The following FAM168A variants were observed in gnomAD, a reference collection of about 807,000 sequenced individuals.
The protein encoded by FAM168A is protein FAM168A.
A neutral mutation model predicts 28.5 loss-of-function variants in FAM168A; 3 were observed. The ratio of observed to expected loss-of-function variants is 0.11; its 90% CI spans 0.05 to 0.27. FAM168A has a LOEUF of 0.27. Among genes scored for constraint, FAM168A ranks in the 10% least tolerant of loss-of-function variants. The pLI, the probability that FAM168A is intolerant of heterozygous loss-of-function variation, is 1.00. For missense variants in FAM168A, 222 were observed against 311.5 expected (o/e 0.71, Z 2.16); for synonymous variants, 122 against 124.2 (o/e 0.98, Z 0.12).
chr11:73,584,178 C>T (rs1944281492), intron 1 of FAM168A, among the ~76,000 whole-genome samples: 1 of 146,980 alleles, frequency 6.8e-6, no homozygotes, highest in Non-Finnish European at 1.5e-5. Context: ...CATTCACTGA[C>T]TTTTTTTTTT....
intron 1 of FAM168A, among the ~76,000 whole-genome samples, chr11:73,595,430 T>C (rs1944431811): frequency 6.6e-6 from 1 of 152,222 alleles, no homozygotes; most frequent in Non-Finnish European, 1.5e-5. Context: ...CGAGCTAAAT[T>C]CTGAAGCTTG....
At chr11:73,575,313 T>TGA (rs1473529969) in intron 1 of FAM168A, among the ~76,000 whole-genome samples, 1 of 152,196 alleles carries the variant, frequency 6.6e-6, no homozygotes, top group East Asian at 1.9e-4. Flanking sequence ...GGAAGAACAA[T>TGA]CAGATATATA....
At chr11:73,522,820 C>T (rs1408203352) in intron 1 of FAM168A, among the ~76,000 whole-genome samples, 1 of 151,824 alleles carries the variant, frequency 6.6e-6, no homozygotes, top group Non-Finnish European at 1.5e-5. Flanking sequence ...TGTGACCAGA[C>T]TGGCCAACAT....
chr11:73,461,904 T>C (rs1353729862), intron 2 of FAM168A, among the ~76,000 whole-genome samples: 2 of 151,692 alleles, frequency 1.3e-5, no homozygotes, highest in Non-Finnish European at 2.9e-5. Flanking sequence ...TTTTTAAAAA[T>C]AAAAAGAACA....
intron 1 of FAM168A, among the ~76,000 whole-genome samples, chr11:73,472,099 C>T (rs1206018327): frequency 6.6e-6 from 1 of 152,138 alleles, no homozygotes; most frequent in Non-Finnish European, 1.5e-5. Context: ...TAATGCCCCC[C>T]TCTCCCCGCC....
At chr11:73,525,898 G>T (rs991424754) in intron 1 of FAM168A, among the ~76,000 whole-genome samples, 2 of 152,078 alleles carry the variant, frequency 1.3e-5, no homozygotes, top group Admixed American at 1.3e-4. Flanking sequence ...TATTTTAATT[G>T]CAAGCCCCCT....
intron 3 of FAM168A, among the ~76,000 whole-genome samples, chr11:73,422,112 G>A (rs557409323): frequency 1.8e-4 from 28 of 152,302 alleles, no homozygotes; most frequent in African/African-American, 6.5e-4. Context: ...CACAGTCACC[G>A]CACACAAGGT....
intron 1 of FAM168A, among the ~76,000 whole-genome samples, chr11:73,540,451 C>A (rs930913514): frequency 2.6e-5 from 4 of 152,154 alleles, no homozygotes; most frequent in African/African-American, 9.7e-5. Flanking sequence ...TCAGAACTAA[C>A]CCCCACTCCC....
At chr11:73,474,943 A>G (rs1298859744) in intron 1 of FAM168A, among the ~76,000 whole-genome samples, 1 of 152,224 alleles carries the variant, frequency 6.6e-6, no homozygotes, top group African/African-American at 2.4e-5. Flanking sequence ...CTAGGAGCTC[A>G]TCTTGGGCAA....
intron 1 of FAM168A, among the ~76,000 whole-genome samples, chr11:73,530,734 T>G (rs1411291238): frequency 6.6e-6 from 1 of 152,214 alleles, no homozygotes; most frequent in Non-Finnish European, 1.5e-5. Context: ...ATATTAAATT[T>G]TATCTATTTA....
At chr11:73,462,874 A>AGAGAAGAGAGGAGAG (rs1168532967) in intron 2 of FAM168A, among the ~76,000 whole-genome samples, 7 of 151,846 alleles carry the variant, frequency 4.6e-5, no homozygotes, top group African/African-American at 1.7e-4. Flanking sequence ...AGAAAAGAGA[A>AGAGAAGAGAGGAGAG]GAGAAGAGAG....
At chr11:73,433,076 C>CTTTTTTTTTTTTTTTTTTTT (rs34994742) in intron 2 of FAM168A, among the ~76,000 whole-genome samples, 14 of 80,602 alleles carry the variant, frequency 1.7e-4, no homozygotes, top group African/African-American at 9.5e-4. Flanking sequence ...CACGCCCCGC[C>CTTTTTTTTTTTTTTTTTTTT]TTTTTTTTTT....
chr11:73,495,263 A>C (rs573474263), intron 1 of FAM168A, among the ~76,000 whole-genome samples: 3 of 152,284 alleles, frequency 2.0e-5, no homozygotes, highest in Admixed American at 1.3e-4. Flanking sequence ...CAGGAGGCAG[A>C]GCTTGCAGTG....
intron 1 of FAM168A, among the ~76,000 whole-genome samples, chr11:73,590,880 C>T (rs774358399): frequency 6.6e-5 from 10 of 152,076 alleles, no homozygotes; most frequent in Non-Finnish European, 1.5e-4. Context: ...TGCAGGCTCA[C>T]GCCTGTAATC....
At chr11:73,426,585 T>C (rs1165031696) in intron 3 of FAM168A, among the ~76,000 whole-genome samples, 1 of 152,172 alleles carries the variant, frequency 6.6e-6, no homozygotes, top group Non-Finnish European at 1.5e-5. Context: ...TTGAGCCAGC[T>C]TCTCCATGGT....
chr11:73,535,860 C>T (rs1943573003), intron 1 of FAM168A, among the ~76,000 whole-genome samples: 2 of 148,226 alleles, frequency 1.3e-5, no homozygotes, highest in Non-Finnish European at 3.0e-5. Flanking sequence ...CACATCTGGC[C>T]TGCACTTAAA....
intron 3 of FAM168A, among the ~76,000 whole-genome samples, chr11:73,429,456 C>G (rs1866945728): frequency 6.6e-6 from 1 of 152,180 alleles, no homozygotes; most frequent in African/African-American, 2.4e-5. Context: ...TCAAGACATT[C>G]AAGGCCTCTC....
intron 1 of FAM168A, among the ~76,000 whole-genome samples, chr11:73,551,746 A>C (rs535325095): frequency 1.3e-5 from 2 of 152,368 alleles, no homozygotes; most frequent in African/African-American, 4.8e-5. Flanking sequence ...CAGGTTGCAA[A>C]TTGACATTTT....
At chr11:73,505,474 TATTATC>T (rs1855099019) in intron 1 of FAM168A, among the ~76,000 whole-genome samples, 1 of 152,204 alleles carries the variant, frequency 6.6e-6, no homozygotes, top group African/African-American at 2.4e-5. Context: ...AAAAACTAGC[TATTATC>T]ATTATCATTT....
Sources: gnomAD v4.1 joint callset for allele counts (sites outside exome capture counted in the v4.1 genomes callset) on GRCh38, gnomAD v4.1.1 for gene constraint, MANE v1.5 for transcripts, NCBI Gene and HGNC (gene_info 2026-07-23, HGNC 2026-07-21) for gene names.